The following ANKRD28 variants were observed in gnomAD, a reference collection of about 807,000 sequenced individuals.
ANKRD28 encodes the protein serine/threonine-protein phosphatase 6 regulatory ankyrin repeat subunit A.
ANKRD28 carries 44 observed loss-of-function variants against 126.5 expected under a neutral mutation model. The ratio of observed to expected loss-of-function variants is 0.35; its 90% confidence interval spans 0.27 to 0.45. ANKRD28 has a LOEUF of 0.45. Ranked by LOEUF, ANKRD28 falls within the 20% of genes least tolerant of loss-of-function variation. ANKRD28 has a pLI of 1.00. For synonymous variants in ANKRD28, 442 were observed against 468.5 expected, an observed-to-expected ratio of 0.94 and a Z score of 0.73; for missense variants, 1,110 against 1,316.6, an observed-to-expected ratio of 0.84 and a Z score of 2.43.
intron 4 of ANKRD28, 77 bp downstream of exon 4, chr3:15,751,673 G>A: frequency 1.0e-6 from 1 of 969,314 alleles, no homozygotes; most frequent in South Asian, 1.6e-5. Context: ...TGAAAACATA[G>A]AATTTGAATA....
intron 2 of ANKRD28, among the ~76,000 whole-genome samples, chr3:15,784,657 T>C (rs1316251525): frequency 1.3e-5 from 2 of 151,796 alleles, no homozygotes; most frequent in East Asian, 1.9e-4. Context: ...AATCCACCTA[T>C]AACAAGAATC....
intron 10 of ANKRD28, among the ~76,000 whole-genome samples, 169 bp from the exon 11 acceptor site, chr3:15,712,391 C>T (rs1214271677): frequency 6.6e-6 from 1 of 152,114 alleles, no homozygotes; most frequent in East Asian, 1.9e-4. Context: ...ACTTATTAGC[C>T]AGCTATTTTT....
Position 15,714,666 on chromosome 3 carries a change from G to T in ANKRD28, c.997-10C>A. ...TTTTCCCATCTTTACTCTGGGGGGG[G>T]AAGAAAAAAATTACTCACTCTACTA... is the stretch of plus-strand genomic sequence containing the variant. On this transcript the variant is annotated splice_polypyrimidine_tract_variant and intron_variant, in intron 8 of 27. Transcript: ENST00000683139. 6.4e-7 allele frequency: 1 copy of T among 1,572,766 alleles called. No homozygotes were observed. The highest frequency in any genetic ancestry group is 8.6e-7 in the Non-Finnish European group (1 of 1,165,510).
chr3:15,779,350 C>G (rs368704172), intron 2 of ANKRD28, among the ~76,000 whole-genome samples: 1 of 152,096 alleles, frequency 6.6e-6, no homozygotes, highest in Admixed American at 6.6e-5. Context: ...GCACATATTA[C>G]TAGACAAGTG....
chr3:15,692,505 A>G (rs753435866), intron 17 of ANKRD28, among the ~76,000 whole-genome samples: 14 of 152,192 alleles, frequency 9.2e-5, no homozygotes, highest in Non-Finnish European at 1.9e-4. Context: ...AATAAATGGG[A>G]GCCATGATGA....
chr3:15,674,691 C>T (rs978594164), intron 27 of ANKRD28, among the ~76,000 whole-genome samples: 6 of 151,664 alleles, frequency 4.0e-5, no homozygotes, highest in African/African-American at 1.5e-4. Flanking sequence ...GCAAAAAGAA[C>T]GAAGAATTGA....
In ANKRD28 at chr3:15,854,854, T is replaced by C. The variant is rs937837667; in HGVS notation, c.27+4523A>G. 5.3e-5 allele frequency among the ~76,000 whole-genome samples: 8 copies of C among 152,004 alleles called. No homozygotes were observed. The highest frequency in any genetic ancestry group is 1.0e-4 in the Non-Finnish European group (7 of 67,990). On this transcript the variant is annotated intron_variant, in intron 1 of 27. Transcript: ENST00000399451. This position sits in a 1 kb window ranked among gnomAD's most constrained non-coding sequence, Gnocchi z 4.1. The stretch of plus-strand genomic sequence containing the variant: ...TCACAAGGTCACGAGATTGAGACTA[T>C]CCTGGCCAACATGGTGAAACCCCGT...
chr3:15,801,617 G>GA (rs940009010), upstream of ANKRD28, among the ~76,000 whole-genome samples: 1 of 151,594 alleles, frequency 6.6e-6, no homozygotes, highest in Non-Finnish European at 1.5e-5. The surrounding 1 kb of genome is among the most constrained non-coding windows in gnomAD (Gnocchi z 4.9). Flanking sequence ...TATACTTTAG[G>GA]AAAAAAAAGT....
rs903109567 is a variant in ANKRD28, at chr3:15,816,553, T to C, written c.28-21247A>G. The stretch of plus-strand genomic sequence containing the variant: ...AAAGTTTTATTTTTCCTGCTATGAC[T>C]ATGACTGCTTTAAAGTCTTTCTGTT... On this transcript the variant is annotated intron_variant, in intron 1 of 27. Coordinates refer to the ANKRD28 transcript ENST00000399451. This position sits in a 1 kb window ranked among gnomAD's most constrained non-coding sequence, Gnocchi z 5.0. Among the ~76,000 whole-genome samples the C allele has an allele frequency of 6.6e-6, 1 of 152,250 alleles. No homozygotes were observed. Among genetic ancestry groups the C allele is most frequent in the Non-Finnish European group, 1.5e-5 (1 of 68,040 alleles).
chr3:15,809,674 A>C (rs913447564), intron 1 of ANKRD28, among the ~76,000 whole-genome samples: 1 of 152,202 alleles, frequency 6.6e-6, no homozygotes, highest in African/African-American at 2.4e-5. Context: ...TTGCCTGGCC[A>C]GTAAATATAC....
In ANKRD28 at chr3:15,839,267, T is replaced by A. The variant is rs1457614337; in HGVS notation, c.27+20110A>T. 6.6e-6 allele frequency among the ~76,000 whole-genome samples: 1 copy of A among 151,786 alleles called. No individual in the cohort carries two copies. Among genetic ancestry groups the A allele is most frequent in the Admixed American group, 6.6e-5 (1 of 15,260 alleles). ...TTATGGTATATAAATTATACCTCAA[T>A]AAACTGTTAAAAAAAAAACACACTG... is the stretch of plus-strand genomic sequence containing the variant. On this transcript the variant is annotated intron_variant, in intron 1 of 27. Coordinates refer to the ANKRD28 transcript ENST00000399451. The surrounding 1 kb of genome is among the most constrained non-coding windows in gnomAD (Gnocchi z 4.3).
chr3:15,808,167 A>T (rs2060629140), intron 1 of ANKRD28, among the ~76,000 whole-genome samples: 1 of 152,236 alleles, frequency 6.6e-6, no homozygotes, highest in African/African-American at 2.4e-5. Flanking sequence ...CAGACACCTA[A>T]GAGAAGTTAA....
intron 2 of ANKRD28, among the ~76,000 whole-genome samples, chr3:15,771,845 T>C (rs1427899228): frequency 1.3e-5 from 2 of 152,186 alleles, no homozygotes; most frequent in Non-Finnish European, 2.9e-5. Flanking sequence ...ACTAAGTATG[T>C]TCTTTGGCCA....
chr3:15,832,469 C>T (rs1207750360), intron 1 of ANKRD28, among the ~76,000 whole-genome samples: 2 of 152,274 alleles, frequency 1.3e-5, no homozygotes, highest in Non-Finnish European at 2.9e-5. Context: ...AAACATTATG[C>T]TAAATTTTAA....
chr3:15,736,963 G>A, intron 5 of ANKRD28, 70 bp downstream of exon 5: 1 of 1,502,022 alleles, frequency 6.7e-7, no homozygotes, highest in Non-Finnish European at 9.2e-7. Flanking sequence ...ATGCAAAAAT[G>A]CAAGTTCTTT....
chr3:15,830,566 C>T lies in ANKRD28; in HGVS notation c.27+28811G>A, dbSNP rs2061167570. ...GAGGTGGAACAGTTTCATCTCAAAA[C>T]CATCCCACCCCCCACCGCACCCCCA... On this transcript the variant is annotated intron_variant, in intron 1 of 27. Transcript: ENST00000399451. The surrounding 1 kb of genome is among the most constrained non-coding windows in gnomAD (Gnocchi z 4.5). Among the ~76,000 whole-genome samples, 1 of 152,074 alleles carries T rather than the reference C, an allele frequency of 6.6e-6. No homozygotes were observed. Among genetic ancestry groups the T allele is most frequent in the African/African-American group, 2.4e-5 (1 of 41,398 alleles).
intron 14 of ANKRD28, among the ~76,000 whole-genome samples, chr3:15,707,036 GT>G (rs1166023427): frequency 6.6e-6 from 1 of 152,148 alleles, no homozygotes; most frequent in Non-Finnish European, 1.5e-5. Context: ...ATTAACATTT[GT>G]GAAGAATCAA....
At chr3:15,754,856 C>T (rs1227652263) in intron 3 of ANKRD28, among the ~76,000 whole-genome samples, 1 of 152,142 alleles carries the variant, frequency 6.6e-6, no homozygotes, top group Non-Finnish European at 1.5e-5. Context: ...GTGGCTCACG[C>T]CTGTAATCCC....
chr3:15,788,633 T>A lies in ANKRD28; in HGVS notation c.201+6590A>T, dbSNP rs2059889817. 2.6e-5 allele frequency among the ~76,000 whole-genome samples: 4 copies of A among 152,278 alleles called. No homozygotes were observed. In the South Asian group the frequency reaches 8.3e-4, roughly 32 times the overall value. On this transcript the variant is annotated intron_variant, in intron 2 of 27. Transcript: ENST00000683139. Reference sequence around the variant, plus strand: ...AATTAATATTTGTAGAAAATAATTTTCTTATAAAGAAGAATCAAAGTTTTC... The same window carrying A: ...AATTAATATTTGTAGAAAATAATTTACTTATAAAGAAGAATCAAAGTTTTC...
Sources: gnomAD v4.1 joint callset for allele counts (sites outside exome capture counted in the v4.1 genomes callset) on GRCh38, gnomAD v4.1.1 for gene constraint, Gnocchi (gnomAD v3.1) non-coding constraint, MANE v1.5 for transcripts, NCBI Gene and HGNC (gene_info 2026-07-23, HGNC 2026-07-21) for gene names.